GNG2: variants seen among roughly 807,000 people sequenced by gnomAD.
The protein encoded by GNG2 is G protein subunit gamma 2, also known as guanine nucleotide-binding protein G(I)/G(S)/G(O) subunit gamma-2.
In GNG2, 5 loss-of-function variants were observed where a neutral mutation model predicts 5.5. The ratio of observed to expected loss-of-function variants is 0.91; its 90% CI spans 0.48 to 1.92. GNG2 has a LOEUF of 1.92. GNG2 is among the 30% of genes most tolerant of loss of function. The pLI is 0.01. For synonymous variants in GNG2, 28 were observed against 32.0 expected (o/e 0.88, Z 0.42); for missense variants, 55 against 88.4 (o/e 0.62, Z 1.52).
At chr14:51,851,513 G>A (rs917018591) in intron 2 of GNG2, among the ~76,000 whole-genome samples, 3 of 152,172 alleles carry the variant, frequency 2.0e-5, no homozygotes, top group African/African-American at 7.2e-5. Context: ...CAAAGATTTA[G>A]TGAGTGCTTA....
chr14:51,942,733 G>C (rs1720562382), intron 2 of GNG2, among the ~76,000 whole-genome samples: 1 of 150,770 alleles, frequency 6.6e-6, no homozygotes, highest in Non-Finnish European at 1.5e-5. Context: ...TAGATTATTA[G>C]AAGTTTTAAA....
intron 2 of GNG2, among the ~76,000 whole-genome samples, chr14:51,887,042 C>T (rs1884507537): frequency 6.6e-6 from 1 of 152,176 alleles, no homozygotes; most frequent in African/African-American, 2.4e-5. Flanking sequence ...ATTAATTTTA[C>T]TTAGTCAAGG....
In GNG2 at chr14:51,957,273, G is replaced by A. The variant is rs1385737526; in HGVS notation, c.87+6508G>A. ...ATTTCCATTATCATACAAACATGGT[G>A]TTATTTCTCCATCTTAAATAAAATT... is the stretch of plus-strand genomic sequence containing the variant. On this transcript the variant is annotated intron_variant, in intron 3 of 3. Transcript: ENST00000556766. Among the ~76,000 whole-genome samples, 5 of 152,148 alleles carry A rather than the reference G, an allele frequency of 3.3e-5. No homozygotes were observed. The East Asian group carries it at 9.6e-4, about 29-fold the overall frequency.
Position 51,840,850 on chromosome 14 carries a change from T to C in GNG2, c.64+13043T>C, listed in dbSNP as rs1881463916. 2.0e-5 allele frequency among the ~76,000 whole-genome samples: 3 copies of C among 152,132 alleles called. 1 individual carries two copies. The South Asian group carries it at 6.2e-4, about 32-fold the overall frequency. ...CAGTTAGTTATGTTAGATAAGCAAATCCCTGAAGCTTCTCCTACCTTACAA... is the reference window on the plus strand; with the variant it reads ...CAGTTAGTTATGTTAGATAAGCAAACCCCTGAAGCTTCTCCTACCTTACAA... On this transcript the variant is annotated intron_variant, in intron 2 of 3. Transcript: ENST00000553432.
intron 2 of GNG2, among the ~76,000 whole-genome samples, chr14:51,911,000 C>T (rs1035536565): frequency 5.9e-5 from 9 of 152,218 alleles, no homozygotes; most frequent in Non-Finnish European, 1.2e-4. Flanking sequence ...TGCATCACTG[C>T]TACTCACGTC....
rs1286843820 is a variant in GNG2, at chr14:51,936,398, A to T, written c.-29-14252A>T. On this transcript the variant is annotated intron_variant, in intron 2 of 3. Transcript: ENST00000556766. ...GTTCATTCTATGAGGGTACGCTAGA[A>T]AAGGAAGAAGGTGAGCAGCAGAGGT... is the stretch of plus-strand genomic sequence containing the variant. Among the ~76,000 whole-genome samples the T allele has an allele frequency of 2.6e-5, 4 of 152,198 alleles. 1 individual carries two copies. The highest frequency in any genetic ancestry group is 9.7e-5 in the African/African-American group (4 of 41,446).
At position 51,923,341 on chromosome 14, in the gene GNG2, A is replaced by T. The variant is rs147478134; in HGVS notation, c.-29-27309A>T. On this transcript the variant is annotated intron_variant, in intron 2 of 3. Transcript: ENST00000556766. ...TCAAATCAGAAAGTTTGAGATTTGG[A>T]TTTGAACTGTAGAGGTTAAGAGAGG... Among the ~76,000 whole-genome samples the T allele has an allele frequency of 6.4e-3, 975 of 152,262 alleles. 31 individuals carry two copies. The highest frequency in any genetic ancestry group is 0.063 in the South Asian group (305 of 4,824).
intron 2 of GNG2, among the ~76,000 whole-genome samples, chr14:51,887,486 A>G (rs1884545141): frequency 1.3e-5 from 2 of 152,224 alleles, no homozygotes; most frequent in Admixed American, 6.5e-5. Context: ...CCACTGAATC[A>G]GATAAATTGG....
chr14:51,951,699 G>T (rs1183500815), intron 3 of GNG2, among the ~76,000 whole-genome samples: 1 of 152,148 alleles, frequency 6.6e-6, no homozygotes, highest in Non-Finnish European at 1.5e-5. Flanking sequence ...GTCTGACAGG[G>T]TCAATAAAAT....
intron 2 of GNG2, among the ~76,000 whole-genome samples, chr14:51,896,152 G>C (rs1052966889): frequency 6.6e-6 from 1 of 152,220 alleles, no homozygotes; most frequent in Non-Finnish European, 1.5e-5. Context: ...AAGTCCTGCT[G>C]TCAAGATGGG....
intron 2 of GNG2, among the ~76,000 whole-genome samples, chr14:51,847,972 C>A (rs1283593399): frequency 8.8e-6 from 1 of 113,706 alleles, no homozygotes; most frequent in African/African-American, 3.4e-5. Context: ...TTTCCTTTTT[C>A]CTCTTTGGAA....
At chr14:51,844,948 A>C (rs1881582128) in intron 2 of GNG2, among the ~76,000 whole-genome samples, 1 of 151,908 alleles carries the variant, frequency 6.6e-6, no homozygotes, top group South Asian at 2.1e-4. Context: ...GCTGGTCTCA[A>C]ACTCTTGACC....
At chr14:51,918,192 G>C (rs919244656) in intron 2 of GNG2, among the ~76,000 whole-genome samples, 2 of 152,150 alleles carry the variant, frequency 1.3e-5, no homozygotes, top group African/African-American at 4.8e-5. Context: ...AAAGACACCT[G>C]CGGAGGTGGT....
chr14:51,845,036 A>G (rs1282759704), intron 2 of GNG2, among the ~76,000 whole-genome samples: 1 of 152,174 alleles, frequency 6.6e-6, no homozygotes, highest in Non-Finnish European at 1.5e-5. Context: ...TCCTGCCACA[A>G]TTTTTATTGA....
chr14:51,947,628 G>A (rs1888715497), intron 2 of GNG2, among the ~76,000 whole-genome samples: 1 of 152,172 alleles, frequency 6.6e-6, no homozygotes, highest in Non-Finnish European at 1.5e-5. Context: ...AGCCCAGTGA[G>A]ACCCATTTGA....
chr14:51,840,219 A>G (rs1314123931), intron 2 of GNG2, among the ~76,000 whole-genome samples: 2 of 152,196 alleles, frequency 1.3e-5, no homozygotes, highest in African/African-American at 2.4e-5. Context: ...GTCTGGGAGC[A>G]TGACACTTTG....
intron 3 of GNG2, among the ~76,000 whole-genome samples, chr14:51,966,231 A>AAAG (rs1889899487): frequency 2.8e-5 from 3 of 108,496 alleles, no homozygotes; most frequent in Non-Finnish European, 4.0e-5. Flanking sequence ...AAAAAAAAAA[A>AAAG]AAAAAACAAA....
chr14:51,911,684 C>T (rs1886308313), intron 2 of GNG2, among the ~76,000 whole-genome samples: 1 of 126,448 alleles, frequency 7.9e-6, no homozygotes, highest in Non-Finnish European at 1.6e-5. Flanking sequence ...GCTAAGACTA[C>T]AGGTGTATGC....
At chr14:51,921,302 C>T (rs779006828) in intron 2 of GNG2, among the ~76,000 whole-genome samples, 6 of 152,140 alleles carry the variant, frequency 3.9e-5, no homozygotes, top group Non-Finnish European at 8.8e-5. Context: ...TAGTAAAGTA[C>T]TTAGGGCCTG....
Sources: allele counts gnomAD v4.1 joint callset (sites outside exome capture counted in the v4.1 genomes callset), GRCh38; gene constraint gnomAD v4.1.1; transcripts MANE v1.5; gene names NCBI Gene and HGNC (gene_info 2026-07-23, HGNC 2026-07-21).